Variants in FGGY observed in about 807,000 individuals in gnomAD.
The protein encoded by FGGY is FGGY carbohydrate kinase domain containing.
A neutral mutation model predicts 71.3 loss-of-function variants in FGGY; 72 were observed. The ratio of observed to expected loss-of-function variants is 1.01; its 90% confidence interval spans 0.84 to 1.23. The LOEUF (loss-of-function observed/expected upper bound fraction) is 1.23, where lower values mean the gene tolerates loss of function less well. Ranked by LOEUF, FGGY falls within the 50% of genes most tolerant of loss-of-function variation. The pLI is 0.00. For missense variants in FGGY, 668 were observed against 682.3 expected, an observed-to-expected ratio of 0.98 and a Z score of 0.23; for synonymous variants, 251 against 250.3, an observed-to-expected ratio of 1.00 and a Z score of -0.02.
At chr1:59,604,309 TTCTC>T (rs1017845848) in intron 8 of FGGY, among the ~76,000 whole-genome samples, 2 of 152,160 alleles carry the variant, frequency 1.3e-5, no homozygotes, top group Non-Finnish European at 2.9e-5. Context: ...TGTACATTCT[TTCTC>T]TCTCTCTCAA....
chr1:59,402,240 C>T (rs568443680), intron 5 of FGGY, among the ~76,000 whole-genome samples: 20 of 152,222 alleles, frequency 1.3e-4, no homozygotes, highest in African/African-American at 4.8e-5. Flanking sequence ...GGACAGAGCA[C>T]GGACATGTAG....
intron 5 of FGGY, among the ~76,000 whole-genome samples, chr1:59,411,791 A>G (rs985085965): frequency 6.6e-6 from 1 of 152,070 alleles, no homozygotes; most frequent in African/African-American, 2.4e-5. Flanking sequence ...GATCCCTTCA[A>G]ATTAGCTTTT....
rs1558385709 is a variant in FGGY at position 59,569,554 on chromosome 1, C to G, written c.903+15327C>G. Among the ~76,000 whole-genome samples, 2 of 152,274 alleles carry G rather than the reference C, an allele frequency of 1.3e-5. 1 individual carries two copies. ...AAGCTGTTAGAACCTGAAAGAACCA[C>G]ATAACACAGCTGTAATATTCAAGAG... On this transcript the variant is annotated intron_variant, in intron 8 of 15. Transcript: ENST00000303721.
chr1:59,442,580 C>A (rs922349736), intron 5 of FGGY, among the ~76,000 whole-genome samples: 1 of 152,056 alleles, frequency 6.6e-6, no homozygotes, highest in Non-Finnish European at 1.5e-5. Flanking sequence ...ACCTCTTTGT[C>A]TTGTGTGGAA....
At chr1:59,421,108 C>T (rs2065331913) in intron 5 of FGGY, among the ~76,000 whole-genome samples, 1 of 152,008 alleles carries the variant, frequency 6.6e-6, no homozygotes. Flanking sequence ...TTAGGTGGAC[C>T]AGTTTCTTTG....
At chr1:59,334,272 AT>A (rs1364924414) in intron 2 of FGGY, among the ~76,000 whole-genome samples, 1 of 151,908 alleles carries the variant, frequency 6.6e-6, no homozygotes, top group Non-Finnish European at 1.5e-5. Flanking sequence ...CCTCCCTAGT[AT>A]TTGGGACTAC....
intron 14 of FGGY, among the ~76,000 whole-genome samples, chr1:59,723,857 A>G (rs1429811722): frequency 3.9e-5 from 6 of 152,200 alleles, no homozygotes; most frequent in African/African-American, 1.2e-4. Context: ...GAATAGTTTC[A>G]GCACCCTAAA....
At chr1:59,488,856 C>T (rs577233456) in intron 6 of FGGY, among the ~76,000 whole-genome samples, 49 of 151,992 alleles carry the variant, frequency 3.2e-4, no homozygotes, top group Middle Eastern at 6.8e-3. Context: ...TTTTAAGGCT[C>T]TTGGTGTATA....
intron 7 of FGGY, among the ~76,000 whole-genome samples, chr1:59,519,811 GAAT>G (rs1453109364): frequency 1.3e-5 from 2 of 152,210 alleles, no homozygotes; most frequent in African/African-American, 4.8e-5. Context: ...AAGGCAGAAA[GAAT>G]AATGTTTCCA....
At chr1:59,308,624 C>A (rs1473735143) in intron 1 of FGGY, among the ~76,000 whole-genome samples, 1 of 152,114 alleles carries the variant, frequency 6.6e-6, no homozygotes, top group Non-Finnish European at 1.5e-5. Context: ...CTGAACCCCA[C>A]CCCAGTGTTT....
intron 5 of FGGY, among the ~76,000 whole-genome samples, chr1:59,387,273 AT>A (rs1291379934): frequency 1.3e-5 from 2 of 151,906 alleles, no homozygotes. Context: ...TGTACAACTT[AT>A]TTTTTTACTT....
intron 10 of FGGY, among the ~76,000 whole-genome samples, chr1:59,632,624 G>A (rs1339466806): frequency 6.6e-6 from 1 of 152,176 alleles, no homozygotes; most frequent in African/African-American, 2.4e-5. Context: ...AGAATCTGCA[G>A]TATGTTTGGC....
chr1:59,746,615 C>G (rs921810692), intron 14 of FGGY, among the ~76,000 whole-genome samples: 3 of 152,124 alleles, frequency 2.0e-5, no homozygotes, highest in Non-Finnish European at 2.9e-5. Flanking sequence ...AGTCAGCCTT[C>G]TGAGTAGCTG....
At chr1:59,384,509 T>G (rs1404247228) in intron 5 of FGGY, among the ~76,000 whole-genome samples, 6 of 152,186 alleles carry the variant, frequency 3.9e-5, no homozygotes, top group Non-Finnish European at 7.3e-5. Context: ...ATGGGGTTAT[T>G]GTAGAGAAAG....
intron 8 of FGGY, among the ~76,000 whole-genome samples, chr1:59,582,893 G>A (rs2096220147): frequency 6.7e-6 from 1 of 150,146 alleles, no homozygotes; most frequent in Non-Finnish European, 1.5e-5. Context: ...AAACATTAGA[G>A]ATGTGATGGT....
At chr1:59,754,717 C>T (rs1336694357) in intron 14 of FGGY, 2 of 152,250 alleles carry the variant, frequency 1.3e-5, no homozygotes, top group African/African-American at 4.8e-5. Context: ...TGCTCCCGGC[C>T]CAACCTCATG....
chr1:59,645,157 A>G (rs754220327), intron 11 of FGGY, among the ~76,000 whole-genome samples: 1 of 152,212 alleles, frequency 6.6e-6, no homozygotes, highest in African/African-American at 2.4e-5. Context: ...TCTTGAAGAT[A>G]TACCAGTGTA....
At chr1:59,704,911 T>C (rs1490455121) in intron 14 of FGGY, among the ~76,000 whole-genome samples, 1 of 152,196 alleles carries the variant, frequency 6.6e-6, no homozygotes, top group Non-Finnish European at 1.5e-5. Flanking sequence ...ATGATGTCCC[T>C]GTGCCTTTGC....
intron 5 of FGGY, among the ~76,000 whole-genome samples, chr1:59,428,252 T>C (rs1029133107): frequency 6.6e-6 from 1 of 151,796 alleles, no homozygotes; most frequent in African/African-American, 2.4e-5. Context: ...AACCAGACTT[T>C]CATTGAGAGT....
Sources: allele counts gnomAD v4.1 joint callset (sites outside exome capture counted in the v4.1 genomes callset), GRCh38; gene constraint gnomAD v4.1.1; transcripts MANE v1.5; gene names NCBI Gene and HGNC (gene_info 2026-07-23, HGNC 2026-07-21).